NFX1: variants seen among roughly 807,000 people sequenced by gnomAD.
The protein encoded by NFX1 is transcriptional repressor NF-X1.
NFX1 carries 69 observed loss-of-function variants against 137.2 expected under a neutral mutation model. The observed-to-expected ratio is 0.50, with a 90% CI of 0.41 to 0.61. The LOEUF (loss-of-function observed/expected upper bound fraction) is 0.61. NFX1 is among the 20% of genes least tolerant of loss of function. The pLI is 0.00. For synonymous variants in NFX1, 495 were observed against 474.1 expected, an observed-to-expected ratio of 1.04 and a Z score of -0.57; for missense variants, 1,167 against 1,391.0, an observed-to-expected ratio of 0.84 and a Z score of 2.56.
chr9:33,355,668 G>A (rs1380539838), intron 19 of NFX1, among the ~76,000 whole-genome samples: 1 of 132,484 alleles, frequency 7.5e-6, no homozygotes, highest in Non-Finnish European at 1.6e-5. Context: ...TTTTGAGATG[G>A]AGTTTTTCTC....
At chr9:33,296,722 T>G (rs1176926171) in intron 2 of NFX1, among the ~76,000 whole-genome samples, 1 of 152,204 alleles carries the variant, frequency 6.6e-6, no homozygotes, top group Non-Finnish European at 1.5e-5. Context: ...AGACCCTGTT[T>G]TGCGGGGGGA....
At position 33,347,107 on chromosome 9, in the gene NFX1, G is replaced by C; in HGVS notation, c.2414G>C (p.Gly805Ala). The C allele has an allele frequency of 6.2e-7, 1 of 1,612,348 alleles. No homozygotes were observed. Among genetic ancestry groups the C allele is most frequent in the East Asian group, 2.2e-5 (1 of 44,844 alleles). Reference sequence around the variant, plus strand: ...TTCCTAACTCAGAAGTGGTGCATGGGCAAGCATGAGGTAAGTTTTCTCTCT... The same window carrying C: ...TTCCTAACTCAGAAGTGGTGCATGGCCAAGCATGAGGTAAGTTTTCTCTCT... ...CTFLTQKWCM[G>A]KHEFRSNIPC... The change falls in exon 15 of 24, where the codon GGC (glycine) becomes GCC (alanine). Residue 805 changes from glycine (G) to alanine (A), a missense_variant. By Grantham distance (60) the Gly-to-Ala change is moderately conservative. This residue lies in a region of NFX1 where 488 missense variants were observed against 691.5 expected (regional missense o/e 0.71). Coordinates refer to ENST00000379540, the MANE Select transcript of NFX1 (RefSeq NM_002504.6).
chr9:33,332,101 C>T (rs1215035200), intron 10 of NFX1, among the ~76,000 whole-genome samples: 1 of 152,172 alleles, frequency 6.6e-6, no homozygotes, highest in Admixed American at 6.5e-5. Flanking sequence ...CTTATATCTG[C>T]TTTTTATGGC....
At chr9:33,299,767 C>T (rs1252790798) in intron 2 of NFX1, among the ~76,000 whole-genome samples, 1 of 152,146 alleles carries the variant, frequency 6.6e-6, no homozygotes. Flanking sequence ...TTTAATGGAG[C>T]ACCTAGTATA....
In NFX1 at chr9:33,318,766, T is replaced by C; in HGVS notation, c.1624T>C (p.Cys542Arg). The change falls in exon 8 of 24, where the codon TGT becomes CGT. Residue 542 changes from cysteine (C) to arginine (R), a missense_variant. Physicochemically the swap from Cys to Arg is radical, Grantham distance 180. Transcript: ENST00000379540. ...CGGCAGCACCTCCCGAGATGTGTTA[T>C]GTGGAACCGATGTAGGAAAGTCTGA... Reference protein sequence around the residue: ...YCGSTSRDVLCGTDVGKSDGF... With the variant: ...YCGSTSRDVLRGTDVGKSDGF... The C allele has an allele frequency of 6.2e-7, 1 of 1,614,260 alleles. No homozygotes were observed. The highest frequency in any genetic ancestry group is 8.5e-7 in the Non-Finnish European group (1 of 1,180,040).
intron 7 of NFX1, among the ~76,000 whole-genome samples, chr9:33,316,450 G>A (rs1198357225): frequency 6.6e-6 from 1 of 151,670 alleles, no homozygotes; most frequent in Non-Finnish European, 1.5e-5. Context: ...ATTCATATTG[G>A]GCTTTTACTC....
intron 18 of NFX1, 61 bp downstream of exon 18, chr9:33,354,248 G>A: frequency 6.9e-6 from 9 of 1,304,046 alleles, no homozygotes; most frequent in South Asian, 1.3e-5. Context: ...TTAGAGGGCA[G>A]AGATTATTCA....
At chr9:33,333,765 A>G (rs1436674548) in intron 11 of NFX1, among the ~76,000 whole-genome samples, 5 of 152,216 alleles carry the variant, frequency 3.3e-5, no homozygotes, top group Admixed American at 6.5e-5. Context: ...TTTGGGAGGT[A>G]CCCAGCAATA....
chr9:33,324,646 G>T lies in NFX1; in HGVS notation c.1907-3935G>T, dbSNP rs1822510325. Among the ~76,000 whole-genome samples the T allele has an allele frequency of 2.0e-5, 3 of 152,026 alleles. No individual in the cohort carries two copies. In the South Asian group the frequency reaches 6.2e-4, roughly 32 times the overall value. On this transcript the variant is annotated intron_variant, in intron 9 of 23. Transcript: ENST00000379540. Reference sequence around the variant, plus strand: ...CATGAAAATAGATTGAAAGAGATTTGGTCAGGCACAGTGGCTCATGCCTGT... The same window carrying T: ...CATGAAAATAGATTGAAAGAGATTTTGTCAGGCACAGTGGCTCATGCCTGT...
Position 33,294,963 on chromosome 9 carries a change from G to A in NFX1, c.569G>A (p.Cys190Tyr), listed in dbSNP as rs1821298366. The change falls in exon 2 of 24, where the codon TGT (cysteine) becomes TAT (tyrosine). Residue 190 changes from cysteine to tyrosine, a missense_variant. This residue lies in a region of NFX1 where 367 missense variants were observed against 386.7 expected (regional missense o/e 0.95). Transcript: ENST00000379540. ...CCAAAAGTCAAGGGGAAACTCAAATGTGAATGGAGTAACCGAACAACTCCA... is the reference window on the plus strand; with the variant it reads ...CCAAAAGTCAAGGGGAAACTCAAATATGAATGGAGTAACCGAACAACTCCA... Reference protein sequence around the residue: ...RGPKVKGKLKCEWSNRTTPKP... With the variant: ...RGPKVKGKLKYEWSNRTTPKP... 6.2e-7 allele frequency: 1 copy of A among 1,614,180 alleles called. No homozygotes were observed. Among genetic ancestry groups the A allele is most frequent in the Non-Finnish European group, 8.5e-7 (1 of 1,180,036 alleles).
chr9:33,354,132 G>T lies in NFX1; in HGVS notation c.2776G>T (p.Gly926Ter). Residue 926 changes from glycine (G) to a stop codon, truncating the protein, a stop_gained, in exon 18 of 24, where the codon GGA (glycine) becomes TGA (stop). Coordinates refer to ENST00000379540, the MANE Select transcript of NFX1 (RefSeq NM_002504.6). LOFTEE classifies it high-confidence loss of function. Reference sequence around the variant, plus strand: ...CTCTAAGATAACAGACATGCAGCTTGGAGGTTCAGTGGAGATCAGCAAGTT... The same window carrying T: ...CTCTAAGATAACAGACATGCAGCTTTGAGGTTCAGTGGAGATCAGCAAGTT... The part of the protein sequence containing the change: ...MASKITDMQL[G>*]GSVEISKLIT... 6.2e-7 allele frequency: 1 copy of T among 1,613,364 alleles called. No homozygotes were observed. Among genetic ancestry groups the T allele is most frequent in the Non-Finnish European group, 8.5e-7 (1 of 1,179,726 alleles).
At chr9:33,306,600 A>G (rs934543429) in intron 4 of NFX1, among the ~76,000 whole-genome samples, 11 of 152,212 alleles carry the variant, frequency 7.2e-5, no homozygotes, top group African/African-American at 2.7e-4. Context: ...TGAATTCCTC[A>G]AGGGCAAGGA....
At chr9:33,353,991 A>C (rs1395396290) in intron 17 of NFX1, 95 bp from the exon 18 acceptor site, 2 of 1,161,890 alleles carry the variant, frequency 1.7e-6, no homozygotes, top group Non-Finnish European at 2.4e-6. Flanking sequence ...CACCTGGCCT[A>C]GATTTGCTTT....
intron 23 of NFX1, among the ~76,000 whole-genome samples, chr9:33,368,763 G>T (rs1275026322): frequency 9.9e-5 from 15 of 152,220 alleles, no homozygotes; most frequent in Non-Finnish European, 1.5e-5. Flanking sequence ...GGTTACGGCA[G>T]TTCACAAGGT....
rs764634764 is a variant in NFX1, at chr9:33,319,040, C to T, written c.1819C>T (p.Leu607Phe). Reference sequence around the variant, plus strand: ...AACTCCTCTCAGCCAATTGCTAGAACTTGGAAGTAGTAGTCGGAAAACATG... The same window carrying T: ...AACTCCTCTCAGCCAATTGCTAGAATTTGGAAGTAGTAGTCGGAAAACATG... The part of the protein sequence containing the change: ...GQTPLSQLLE[L>F]GSSSRKTCMD... Residue 607 changes from leucine to phenylalanine, a missense_variant, in exon 9 of 24, where the codon CTT becomes TTT. Physicochemically the swap from Leu to Phe is conservative, Grantham distance 22. Around this residue, in one of 3 missense-constraint regions of NFX1, gnomAD observed 488 missense variants for 691.5 expected, o/e 0.71. Transcript: ENST00000379540. 6.8e-6 allele frequency: 11 copies of T among 1,614,228 alleles called. No individual in the cohort carries two copies. The highest frequency in any genetic ancestry group is 9.3e-6 in the Non-Finnish European group (11 of 1,180,042).
At chr9:33,308,130 A>G (rs1821827136) in intron 5 of NFX1, among the ~76,000 whole-genome samples, 1 of 152,056 alleles carries the variant, frequency 6.6e-6, no homozygotes, top group African/African-American at 2.4e-5. Context: ...TTTCCCTACA[A>G]TAAATAGCCA....
Position 33,343,940 on chromosome 9 carries a change from A to T in NFX1, c.2225-129A>T, listed in dbSNP as rs543806456. On this transcript the variant is annotated intron_variant, in intron 13 of 23. Coordinates refer to ENST00000379540, the MANE Select transcript of NFX1 (RefSeq NM_002504.6). ...TAATAAAATAAAAACCTCTTTTGAA[A>T]AAAGTAGCACCCCCATAAATTCTCC... The T allele has an allele frequency of 6.3e-5, 77 of 1,229,588 alleles. 1 individual carries two copies. The African/African-American group carries it at 1.1e-3, about 18-fold the overall frequency. 76.2% of individuals were successfully genotyped at this position (1,229,588 alleles called of 1,614,324 possible).
At chr9:33,290,637 G>A in intron 1 of NFX1, 40 bp downstream of exon 1, 1 of 1,590,760 alleles carries the variant, frequency 6.3e-7, no homozygotes, top group East Asian at 2.2e-5. Context: ...CCCTTTCAGG[G>A]AGCGGAAATT....
chr9:33,366,541 C>T, intron 21 of NFX1, 88 bp from the exon 22 acceptor site: 2 of 1,486,916 alleles, frequency 1.3e-6, no homozygotes, highest in East Asian at 4.5e-5. Flanking sequence ...TCTTATTGAT[C>T]CCTGCAATTC....
Sources: allele counts gnomAD v4.1 joint callset (sites outside exome capture counted in the v4.1 genomes callset), GRCh38; gene constraint gnomAD v4.1.1; regional missense constraint gnomAD v4.1.1; transcripts MANE v1.5; gene names NCBI Gene and HGNC (gene_info 2026-07-23, HGNC 2026-07-21).